The following PPHLN1 variants were observed in gnomAD, a reference collection of about 807,000 sequenced individuals.
PPHLN1 encodes the protein periphilin 1.
In PPHLN1, 29 loss-of-function variants were observed where a neutral mutation model predicts 51.3. The observed-to-expected ratio is 0.57, with a 90% CI of 0.42 to 0.77. The LOEUF (loss-of-function observed/expected upper bound fraction) is 0.77. Among genes scored for constraint, PPHLN1 ranks in the 30% least tolerant of loss-of-function variants. PPHLN1 has a pLI of 0.00. For synonymous variants in PPHLN1, 147 were observed against 147.8 expected (o/e 0.99, Z 0.04); for missense variants, 436 against 438.4 (o/e 0.99, Z 0.05).
chr12:42,432,788 A>G (rs1323648243), intron 9 of PPHLN1, among the ~76,000 whole-genome samples: 2 of 152,212 alleles, frequency 1.3e-5, no homozygotes, highest in Non-Finnish European at 2.9e-5. Context: ...AGCTGCTGCA[A>G]GTTGTTTTGT....
chr12:42,432,286 A>G (rs968636094), intron 9 of PPHLN1: 8 of 758,398 alleles, frequency 1.1e-5, no homozygotes, highest in East Asian at 2.4e-5. Flanking sequence ...CTCTTCCACT[A>G]TGAGACCTAG....
chr12:42,386,393 C>G (rs2077194617), intron 6 of PPHLN1, among the ~76,000 whole-genome samples: 1 of 152,236 alleles, frequency 6.6e-6, no homozygotes, highest in Non-Finnish European at 1.5e-5. Flanking sequence ...TTATTCACCA[C>G]TTTCCTAGGT....
At chr12:42,381,002 C>T (rs535088382) in intron 5 of PPHLN1, among the ~76,000 whole-genome samples, 4 of 152,230 alleles carry the variant, frequency 2.6e-5, no homozygotes, top group African/African-American at 9.6e-5. Context: ...TAGGAATAAA[C>T]ATTTTAGGTG....
chr12:42,351,036 G>GT (rs1340185504), intron 2 of PPHLN1, among the ~76,000 whole-genome samples: 3 of 151,994 alleles, frequency 2.0e-5, no homozygotes, highest in South Asian at 4.2e-4. Flanking sequence ...AGAGGGTTTT[G>GT]TTTTTTTCCA....
chr12:42,384,597 A>G (rs1005818501), intron 5 of PPHLN1, among the ~76,000 whole-genome samples: 1 of 152,198 alleles, frequency 6.6e-6, no homozygotes, highest in Admixed American at 6.5e-5. Flanking sequence ...AGGTACTTTC[A>G]GTGATGAATA....
chr12:42,445,755 G>C (rs940036698), downstream of PPHLN1: 2 of 491,144 alleles, frequency 4.1e-6, no homozygotes, highest in African/African-American at 3.9e-5. Flanking sequence ...GAGAATATGA[G>C]TAAAGACCCT....
intron 9 of PPHLN1, among the ~76,000 whole-genome samples, chr12:42,437,744 T>A (rs2082607734): frequency 6.6e-6 from 1 of 152,224 alleles, no homozygotes; most frequent in Non-Finnish European, 1.5e-5. Context: ...TTCTGTGAAT[T>A]TTGACAAATG....
At chr12:42,440,500 T>C (rs2082851330) in intron 9 of PPHLN1, among the ~76,000 whole-genome samples, 1 of 152,228 alleles carries the variant, frequency 6.6e-6, no homozygotes, top group South Asian at 2.1e-4. Context: ...ATGATACCTA[T>C]TATTTCAAAT....
chr12:42,404,843 C>T (rs1487206053), intron 9 of PPHLN1, among the ~76,000 whole-genome samples: 1 of 152,138 alleles, frequency 6.6e-6, no homozygotes, highest in Non-Finnish European at 1.5e-5. Flanking sequence ...GCCTCACCAA[C>T]ATGGTGAAAC....
chr12:42,327,316 A>G (rs552654990), intron 1 of PPHLN1, among the ~76,000 whole-genome samples: 1 of 152,204 alleles, frequency 6.6e-6, no homozygotes, highest in Admixed American at 6.5e-5. Flanking sequence ...ATTCTCCTTC[A>G]TCTCCTAACC....
At chr12:42,440,222 G>C (rs755871679) in intron 9 of PPHLN1, among the ~76,000 whole-genome samples, 1 of 150,896 alleles carries the variant, frequency 6.6e-6, no homozygotes, top group Non-Finnish European at 1.5e-5. Context: ...TATACTTAAG[G>C]GTTTTTTTCC....
chr12:42,400,420 A>ATC (rs2078699718), intron 9 of PPHLN1: 1 of 143,188 alleles, frequency 7.0e-6, no homozygotes, highest in Non-Finnish European at 1.5e-5. Flanking sequence ...GTGAGCCGAG[A>ATC]TCCCGCCACT....
At chr12:42,441,224 T>A in intron 9 of PPHLN1, 91 bp from the exon 10 acceptor site, 1 of 1,440,172 alleles carries the variant, frequency 6.9e-7, no homozygotes, top group Non-Finnish European at 9.3e-7. Context: ...CTCTTTTAGA[T>A]GTCAGCATCA....
At chr12:42,365,667 T>C (rs2075195105) in intron 4 of PPHLN1, among the ~76,000 whole-genome samples, 1 of 152,104 alleles carries the variant, frequency 6.6e-6, no homozygotes, top group Non-Finnish European at 1.5e-5. Context: ...CCTTATGGGG[T>C]GTTAGTTCTT....
At chr12:42,350,468 C>T (rs1230359129) in intron 2 of PPHLN1, among the ~76,000 whole-genome samples, 1 of 150,592 alleles carries the variant, frequency 6.6e-6, no homozygotes, top group Non-Finnish European at 1.5e-5. Context: ...AGAGGCGCTC[C>T]TCACTTCCCA....
At chr12:42,328,995 T>C (rs1458940685) in intron 1 of PPHLN1, among the ~76,000 whole-genome samples, 1 of 152,174 alleles carries the variant, frequency 6.6e-6, no homozygotes, top group Non-Finnish European at 1.5e-5. Context: ...ATTACGGGCA[T>C]GAGCCACCGC....
In PPHLN1 at chr12:42,402,578, T is replaced by C. The variant is rs557141225; in HGVS notation, c.909+3584T>C. Reference sequence around the variant, plus strand: ...TGAATAATCTTAGGTCTCTTCCTGATCTAAATCATACTGAAAATTAAAAGT... The same window carrying C: ...TGAATAATCTTAGGTCTCTTCCTGACCTAAATCATACTGAAAATTAAAAGT... On this transcript the variant is annotated intron_variant, in intron 9 of 9. Coordinates refer to ENST00000358314, the MANE Select transcript of PPHLN1 (RefSeq NM_201439.2). 2.0e-5 allele frequency among the ~76,000 whole-genome samples: 3 copies of C among 152,344 alleles called. No homozygotes were observed. In the South Asian group the frequency reaches 6.2e-4, roughly 32 times the overall value.
chr12:42,334,335 G>GT (rs1301770129), intron 1 of PPHLN1, among the ~76,000 whole-genome samples: 1 of 152,094 alleles, frequency 6.6e-6, no homozygotes, highest in African/African-American at 2.4e-5. Context: ...TTAATTTAAA[G>GT]TAAGATTTCC....
At chr12:42,446,027 C>A, downstream of PPHLN1, 1 of 1,549,664 alleles carries the variant, frequency 6.5e-7, no homozygotes, top group South Asian at 1.2e-5. Context: ...GGGGCTAGGA[C>A]CCAACCAAGT....
Sources: gnomAD v4.1 joint callset for allele counts (sites outside exome capture counted in the v4.1 genomes callset) on GRCh38, gnomAD v4.1.1 for gene constraint, MANE v1.5 for transcripts, NCBI Gene and HGNC (gene_info 2026-07-23, HGNC 2026-07-21) for gene names.